LENG8: variants seen among roughly 807,000 people sequenced by gnomAD.
LENG8 encodes the protein leukocyte receptor cluster (LRC) member 8.
Under a neutral mutation model 102.1 loss-of-function variants are expected in LENG8, and 28 were observed. The ratio of observed to expected loss-of-function variants is 0.27; its 90% CI spans 0.20 to 0.38. The LOEUF (loss-of-function observed/expected upper bound fraction) is 0.38. Among genes scored for constraint, LENG8 ranks in the 10% least tolerant of loss-of-function variants. LENG8 has a pLI of 1.00. For missense variants in LENG8, 1,022 were observed against 1,113.9 expected (o/e 0.92, Z 1.17); for synonymous variants, 531 against 456.7 (o/e 1.16, Z -2.07).
chr19:54,456,103 G>C lies in LENG8; in HGVS notation c.1162G>C (p.Gly388Arg), dbSNP rs755824558. 1 of 1,609,654 alleles carries C rather than the reference G, an allele frequency of 6.2e-7. No homozygotes were observed. Among genetic ancestry groups the C allele is most frequent in the Non-Finnish European group, 8.5e-7 (1 of 1,177,208 alleles). The stretch of plus-strand genomic sequence containing the variant: ...GTCCCAGCGAGGGACGCCCGGGGCT[G>C]GGGGTGCCGGTCGAGCCCGGGGCAA... ...APSQRGTPGA[G>R]GAGRARGNSF... The change falls in exon 9 of 16, where the codon GGG becomes CGG. Residue 388 changes from glycine to arginine, a missense_variant. Around this residue, in one of 7 missense-constraint regions of LENG8, gnomAD observed 326 missense variants for 324.5 expected, o/e 1.00. Transcript: ENST00000326764.
intron 15 of LENG8, chr19:54,459,118 A>G: frequency 8.1e-6 from 11 of 1,353,744 alleles, no homozygotes; most frequent in Non-Finnish European, 1.0e-5. Context: ...TGCTTGACTC[A>G]TGTTTAGACG....
chr19:54,459,870 G>A (rs1600010852), intron 15 of LENG8: 1 of 1,170,948 alleles, frequency 8.5e-7, no homozygotes, highest in East Asian at 6.2e-5. Flanking sequence ...TTAGTCTGCT[G>A]CCATGATGGG....
chr19:54,457,722 G>C, intron 11 of LENG8, 25 bp from the exon 12 acceptor site: 2 of 1,540,144 alleles, frequency 1.3e-6, no homozygotes, highest in Non-Finnish European at 1.8e-6. Flanking sequence ...TGTACTCCGA[G>C]TGTGAATTCA....
chr19:54,454,488 C>T lies in LENG8; in HGVS notation c.485C>T (p.Pro162Leu), dbSNP rs754715683. 4.0e-5 allele frequency: 64 copies of T among 1,613,676 alleles called. No individual in the cohort carries two copies. The highest frequency in any genetic ancestry group is 3.8e-5 in the Non-Finnish European group (45 of 1,179,830). ...MSYQAPPQQLPSAQPPQPSNP... is the reference protein window; with the variant it reads ...MSYQAPPQQLLSAQPPQPSNP... ...TACCAGGCTCCCCCTCAGCAGCTGC[C>T]GTCGGCTCAGCCCCCTCAGCCCTCA... The change falls in exon 6 of 16, where the codon CCG (proline) becomes CTG (leucine). Residue 162 changes from proline to leucine, a missense_variant. Around this residue, in one of 7 missense-constraint regions of LENG8, gnomAD observed 343 missense variants for 320.2 expected, o/e 1.07. Coordinates refer to ENST00000326764, the MANE Select transcript of LENG8 (RefSeq NM_052925.4).
At chr19:54,459,874 T>C (rs760492690) in intron 15 of LENG8, 464 of 1,169,166 alleles carry the variant, frequency 4.0e-4, no homozygotes, top group Non-Finnish European at 4.8e-4. Flanking sequence ...TCTGCTGCCA[T>C]GATGGGCCCC....
chr19:54,457,703 T>C (rs766905268), intron 11 of LENG8, 44 bp from the exon 12 acceptor site: 6 of 1,415,026 alleles, frequency 4.2e-6, no homozygotes, highest in Admixed American at 1.7e-5. Context: ...TTGGCCACGC[T>C]ACCTGAGTTG....
Position 54,461,082 on chromosome 19 carries a change from G to C in LENG8, c.*154G>C. ...TCCCTGCCCCCGTTTTCCCACCGGG[G>C]AGTCTGTACAGAGATTTTTCTACGT... is the stretch of plus-strand genomic sequence containing the variant. On this transcript the variant is annotated 3_prime_UTR_variant, in exon 16 of 16. Coordinates refer to ENST00000326764, the MANE Select transcript of LENG8 (RefSeq NM_052925.4). 1 of 1,136,724 alleles carries C rather than the reference G, an allele frequency of 8.8e-7. No homozygotes were observed. Among genetic ancestry groups the C allele is most frequent in the Middle Eastern group, 2.0e-4 (1 of 4,884 alleles). 70.4% of individuals were successfully genotyped at this position (1,136,724 alleles called of 1,614,324 possible).
intron 4 of LENG8, among the ~76,000 whole-genome samples, chr19:54,453,025 C>T (rs932963818): frequency 2.6e-5 from 4 of 152,218 alleles, no homozygotes; most frequent in African/African-American, 7.2e-5. Context: ...TGCCCGCACC[C>T]GCCAGGCCCG....
intron 15 of LENG8, chr19:54,460,521 G>A (rs912614725): frequency 1.9e-5 from 26 of 1,386,806 alleles, no homozygotes; most frequent in African/African-American, 1.0e-4. Context: ...GCCCGTCCCC[G>A]CTCCTCCCTG....
chr19:54,452,995 C>T (rs1333063713), intron 4 of LENG8, among the ~76,000 whole-genome samples: 2 of 152,180 alleles, frequency 1.3e-5, no homozygotes, highest in African/African-American at 4.8e-5. Flanking sequence ...CCATGGCCAT[C>T]GAAGCAGAGA....
intron 15 of LENG8, chr19:54,459,970 G>A (rs780045311): frequency 7.4e-5 from 90 of 1,220,874 alleles, no homozygotes; most frequent in Non-Finnish European, 8.7e-5. Flanking sequence ...AATTGGCCTT[G>A]GTTGGGAACA....
intron 15 of LENG8, 156 bp downstream of exon 15, chr19:54,458,677 C>G: frequency 1.3e-6 from 2 of 1,551,844 alleles, no homozygotes; most frequent in African/African-American, 2.7e-5. Flanking sequence ...GCCCTCCCCT[C>G]TCCAGTTCCT....
In LENG8 at chr19:54,458,489, G is replaced by A; in HGVS notation, c.2208G>A (p.Glu736=). The A allele has an allele frequency of 1.9e-6, 3 of 1,614,276 alleles. No individual in the cohort carries two copies. The highest frequency in any genetic ancestry group is 1.7e-6 in the Non-Finnish European group (2 of 1,180,052). The stretch of plus-strand genomic sequence containing the variant: ...TCGTGGACAAGTTTGCAGATCGGGA[G>A]CGCAAGGTCGCCCTCAAGGCCATGA... ...GYLVDKFADR[E]RKVALKAMIK... Residue 736 remains glutamate (E), a synonymous_variant, in exon 15 of 16, where the codon GAG becomes GAA. Transcript: ENST00000326764.
Position 54,456,046 on chromosome 19 carries a change from G to A in LENG8, c.1105G>A (p.Ala369Thr). 1 of 1,612,084 alleles carries A rather than the reference G, an allele frequency of 6.2e-7. No homozygotes were observed. Among genetic ancestry groups the A allele is most frequent in the South Asian group, 1.1e-5 (1 of 91,010 alleles). Reference sequence around the variant, plus strand: ...TAGCAGCCTTCACCCTCCTAGAGGGGCAGGCTCGGCGACAAGGGGCGGGGG... The same window carrying A: ...TAGCAGCCTTCACCCTCCTAGAGGGACAGGCTCGGCGACAAGGGGCGGGGG... ...AASSLHPPRG[A>T]GSATRGGGAP... Residue 369 changes from alanine (A) to threonine (T), a missense_variant, in exon 9 of 16, where the codon GCA becomes ACA. Coordinates refer to ENST00000326764, the MANE Select transcript of LENG8 (RefSeq NM_052925.4).
At chr19:54,457,343 T>G (rs1053417082) in intron 11 of LENG8, among the ~76,000 whole-genome samples, 1 of 152,090 alleles carries the variant, frequency 6.6e-6, no homozygotes, top group African/African-American at 2.4e-5. Context: ...CTTGTGGGTT[T>G]GTTTTCTCTT....
intron 4 of LENG8, among the ~76,000 whole-genome samples, chr19:54,453,296 T>C: frequency 6.6e-6 from 1 of 152,250 alleles, no homozygotes; most frequent in Non-Finnish European, 1.5e-5. Context: ...TTTTGTTCTG[T>C]CGTAGTGCTT....
At chr19:54,454,710 C>G (rs3813147) in intron 6 of LENG8, 28 bp downstream of exon 6, 588,403 of 1,562,810 alleles carry the variant, frequency 0.38, 114,172 homozygotes, top group East Asian at 0.58. Context: ...CGTGGAGGTC[C>G]GAGCGGTTGG....
In LENG8 at chr19:54,459,477, G is replaced by C. The variant is rs574859849; in HGVS notation, c.2240+956G>C. Reference sequence around the variant, plus strand: ...AGTGCCTGGCCAGGTGGCCCTCCACGTGAGGTCATGGTCACAGCATGGAGG... The same window carrying C: ...AGTGCCTGGCCAGGTGGCCCTCCACCTGAGGTCATGGTCACAGCATGGAGG... On this transcript the variant is annotated intron_variant, in intron 15 of 15. Coordinates refer to ENST00000326764, the MANE Select transcript of LENG8 (RefSeq NM_052925.4). 61 of 988,874 alleles carry C rather than the reference G, an allele frequency of 6.2e-5. No individual in the cohort carries two copies. The African/African-American group carries it at 9.8e-4, about 16-fold the overall frequency. The allele number at this position is 988,874 out of a possible 1,614,324, so 61.3% of individuals were successfully genotyped here.
At chr19:54,450,925 A>C (rs2083934781) in intron 1 of LENG8, among the ~76,000 whole-genome samples, 1 of 151,966 alleles carries the variant, frequency 6.6e-6, no homozygotes, top group Non-Finnish European at 1.5e-5. Flanking sequence ...TGGCCCCTAG[A>C]ATTTTTTGTA....
Sources: gnomAD v4.1 joint callset for allele counts (sites outside exome capture counted in the v4.1 genomes callset) on GRCh38, gnomAD v4.1.1 for gene constraint, gnomAD v4.1.1 regional missense constraint, MANE v1.5 for transcripts, NCBI Gene and HGNC (gene_info 2026-07-23, HGNC 2026-07-21) for gene names.